Variants in INTS13 observed in about 807,000 individuals in gnomAD.
INTS13 encodes the protein asunder, spermatogenesis regulator homolog (Drosphila).
Under a neutral mutation model 90.2 loss-of-function variants are expected in INTS13, and 35 were observed. The observed-to-expected ratio is 0.39, with a 90% CI of 0.30 to 0.51. The LOEUF (loss-of-function observed/expected upper bound fraction) is 0.51, where lower values mean the gene tolerates loss of function less well. Among genes scored for constraint, INTS13 ranks in the 20% least tolerant of loss-of-function variants. INTS13 has a pLI of 0.80. For missense variants in INTS13, 601 were observed against 851.2 expected (o/e 0.71, Z 3.66); for synonymous variants, 309 against 277.1 (o/e 1.11, Z -1.14).
chr12:26,929,563 G>GAAAAAAAAAAAA (rs113961406), intron 3 of INTS13, among the ~76,000 whole-genome samples: 2 of 115,594 alleles, frequency 1.7e-5, no homozygotes, highest in African/African-American at 3.3e-5. Flanking sequence ...TCTATAAAAA[G>GAAAAAAAAAAAA]AAAAAAAAAA....
chr12:26,933,469 A>G (rs1286675998), intron 3 of INTS13, among the ~76,000 whole-genome samples: 1 of 152,236 alleles, frequency 6.6e-6, no homozygotes, highest in Non-Finnish European at 1.5e-5. Context: ...TATAAAACAC[A>G]TAATTTTGTG....
intron 14 of INTS13, among the ~76,000 whole-genome samples, chr12:26,912,521 C>T (rs1375009436): frequency 4.0e-5 from 6 of 151,728 alleles, no homozygotes; most frequent in African/African-American, 1.2e-4. Context: ...AGGATATAGC[C>T]AGAGGATACG....
intron 15 of INTS13, among the ~76,000 whole-genome samples, chr12:26,909,248 C>T (rs1951702640): frequency 6.6e-6 from 1 of 152,116 alleles, no homozygotes; most frequent in Non-Finnish European, 1.5e-5. Flanking sequence ...ATAATCCCAG[C>T]TACTCGGGAT....
chr12:26,924,870 G>C (rs1439170120), intron 6 of INTS13, among the ~76,000 whole-genome samples: 2 of 151,974 alleles, frequency 1.3e-5, no homozygotes, highest in Non-Finnish European at 2.9e-5. Context: ...TTTGTTGAGA[G>C]GACAAAACCC....
At chr12:26,915,042 C>A (rs1270107260) in intron 11 of INTS13, among the ~76,000 whole-genome samples, 1 of 152,130 alleles carries the variant, frequency 6.6e-6, no homozygotes, top group Non-Finnish European at 1.5e-5. Flanking sequence ...GCCTGGCCAA[C>A]ATGGTGAAAC....
intron 8 of INTS13, among the ~76,000 whole-genome samples, chr12:26,920,461 T>C (rs996265725): frequency 6.6e-6 from 1 of 151,680 alleles, no homozygotes; most frequent in African/African-American, 2.4e-5. Flanking sequence ...TGCAGTGGCA[T>C]GATCTCAGCT....
chr12:26,915,948 T>C, intron 11 of INTS13, 54 bp downstream of exon 11: 4 of 1,362,512 alleles, frequency 2.9e-6, no homozygotes, highest in Non-Finnish European at 4.0e-6. Flanking sequence ...CGATAACTAC[T>C]TGCTGAATGA....
rs144373121 is a variant in INTS13 at position 26,913,106 on chromosome 12, G to A, written c.1805+351C>T. 3.2e-3 allele frequency among the ~76,000 whole-genome samples: 487 copies of A among 152,126 alleles called. 3 individuals carry two copies. Among genetic ancestry groups the A allele is most frequent in the Non-Finnish European group, 5.8e-3 (396 of 68,002 alleles). On this transcript the variant is annotated intron_variant, in intron 14 of 16. Transcript: ENST00000261191. ...GGTAGGGATCTTGTGCCAAATGCCT[G>A]GCACATCATAAGCATTCAGTAAATA... is the stretch of plus-strand genomic sequence containing the variant.
chr12:26,926,651 G>C (rs1367275534), intron 5 of INTS13, among the ~76,000 whole-genome samples: 1 of 152,192 alleles, frequency 6.6e-6, no homozygotes, highest in East Asian at 1.9e-4. Flanking sequence ...CATGCTTCCT[G>C]GCACAGAGCT....
intron 5 of INTS13, among the ~76,000 whole-genome samples, chr12:26,926,586 A>T (rs1260606554): frequency 6.6e-6 from 1 of 152,174 alleles, no homozygotes; most frequent in Non-Finnish European, 1.5e-5. Flanking sequence ...CAATAGTTCC[A>T]AACATGTCTT....
chr12:26,912,248 C>T (rs1454633243), intron 14 of INTS13, among the ~76,000 whole-genome samples: 1 of 152,042 alleles, frequency 6.6e-6, no homozygotes, highest in Non-Finnish European at 1.5e-5. Context: ...CCAGCCTGGG[C>T]AACATGGTGA....
At chr12:26,923,841 C>T (rs1937718075) in intron 7 of INTS13, among the ~76,000 whole-genome samples, 1 of 152,012 alleles carries the variant, frequency 6.6e-6, no homozygotes, top group Admixed American at 6.6e-5. Context: ...ATAAAAGATC[C>T]ACTAGAATAC....
intron 6 of INTS13, 21 bp downstream of exon 6, chr12:26,925,740 T>G (rs758029905): frequency 1.3e-6 from 2 of 1,557,854 alleles, no homozygotes; most frequent in South Asian, 2.3e-5. Context: ...TAGTCTTTTC[T>G]TTCATTATTT....
intron 8 of INTS13, among the ~76,000 whole-genome samples, chr12:26,919,803 A>G (rs1261102021): frequency 2.0e-5 from 3 of 152,100 alleles, no homozygotes; most frequent in African/African-American, 7.2e-5. Context: ...AGAGACATCT[A>G]AGAGATACAA....
chr12:26,927,599 T>C (rs1937951357), intron 5 of INTS13, among the ~76,000 whole-genome samples: 1 of 152,216 alleles, frequency 6.6e-6, no homozygotes, highest in Non-Finnish European at 1.5e-5. Context: ...TTTTTAAAAA[T>C]TTAAATTTAA....
At chr12:26,932,721 G>A (rs188013474) in intron 3 of INTS13, among the ~76,000 whole-genome samples, 6 of 152,232 alleles carry the variant, frequency 3.9e-5, no homozygotes, top group South Asian at 2.1e-4. Flanking sequence ...ACCCTCTCCC[G>A]TCTCCCAGAG....
At position 26,930,666 on chromosome 12, in the gene INTS13, G is replaced by A. The variant is rs182489020; in HGVS notation, c.301-1761C>T. The stretch of plus-strand genomic sequence containing the variant: ...TGGGATATCGTGTACCTTCACCTTG[G>A]GAAAGCAAAAGAAGTAATAATTCCT... On this transcript the variant is annotated intron_variant, in intron 3 of 16. Transcript: ENST00000261191. Among the ~76,000 whole-genome samples the A allele has an allele frequency of 1.3e-4, 20 of 152,200 alleles. No homozygotes were observed. In the East Asian group the frequency reaches 3.9e-3, roughly 29 times the overall value.
chr12:26,911,695 T>C (rs927682443), intron 14 of INTS13, among the ~76,000 whole-genome samples: 29 of 152,326 alleles, frequency 1.9e-4, no homozygotes, highest in African/African-American at 5.3e-4. Context: ...GATTAATAAG[T>C]TTATTCCCAT....
chr12:26,932,720 C>T (rs1196381643), intron 3 of INTS13, among the ~76,000 whole-genome samples: 1 of 152,128 alleles, frequency 6.6e-6, no homozygotes, highest in Non-Finnish European at 1.5e-5. Flanking sequence ...TACCCTCTCC[C>T]GTCTCCCAGA....
Sources: gnomAD v4.1 joint callset for allele counts (sites outside exome capture counted in the v4.1 genomes callset) on GRCh38, gnomAD v4.1.1 for gene constraint, MANE v1.5 for transcripts, NCBI Gene and HGNC (gene_info 2026-07-23, HGNC 2026-07-21) for gene names.